Variants in TM4SF20 observed in about 807,000 individuals in gnomAD.
TM4SF20 encodes the protein transmembrane 4 L6 family member 20.
A neutral mutation model predicts 15.1 loss-of-function variants in TM4SF20; 13 were observed. That is an observed-to-expected ratio of 0.86 (90% CI 0.56 to 1.36). The LOEUF is 1.36. Among genes scored for constraint, TM4SF20 ranks in the 40% most tolerant of loss-of-function variants. The probability of loss-of-function intolerance (pLI) is 0.00; values close to 1 mark genes in which losing one functional copy is unlikely to be tolerated. For synonymous variants in TM4SF20, 92 were observed against 96.6 expected (o/e 0.95, Z 0.28); for missense variants, 282 against 268.4 (o/e 1.05, Z -0.35).
intron 2 of TM4SF20, among the ~76,000 whole-genome samples, chr2:227,367,117 AC>A (rs1386814601): frequency 2.0e-5 from 3 of 151,876 alleles, no homozygotes; most frequent in Non-Finnish European, 4.4e-5. Flanking sequence ...TAGCAACATC[AC>A]TCATCTCTAC....
At chr2:227,372,635 A>C (rs574817114) in intron 1 of TM4SF20, among the ~76,000 whole-genome samples, 1 of 151,016 alleles carries the variant, frequency 6.6e-6, no homozygotes, top group East Asian at 2.0e-4. Flanking sequence ...GCGAGACTCT[A>C]TCTCAAAAAA....
At chr2:227,366,000 A>G in intron 3 of TM4SF20, 93 bp downstream of exon 3, 1 of 1,328,378 alleles carries the variant, frequency 7.5e-7, no homozygotes, top group Non-Finnish European at 1.0e-6. Flanking sequence ...GTTGCATCAA[A>G]TAAAAACATG....
intron 1 of TM4SF20, among the ~76,000 whole-genome samples, chr2:227,372,796 C>A (rs2076427584): frequency 6.6e-6 from 1 of 152,168 alleles, no homozygotes; most frequent in Admixed American, 6.5e-5. Context: ...CCTCAACACC[C>A]AGGGCTCAAG....
chr2:227,365,552 A>G (rs2076388806), intron 3 of TM4SF20, among the ~76,000 whole-genome samples: 1 of 152,232 alleles, frequency 6.6e-6, no homozygotes, highest in African/African-American at 2.4e-5. Context: ...TATTTATAGC[A>G]TATCTGTATG....
intron 1 of TM4SF20, among the ~76,000 whole-genome samples, chr2:227,373,194 C>T (rs1466735436): frequency 2.6e-5 from 4 of 152,176 alleles, no homozygotes; most frequent in South Asian, 2.1e-4. Flanking sequence ...TCTTTTAGCA[C>T]GGGTTTAAAG....
At chr2:227,374,066 G>C (rs1337313454) in intron 1 of TM4SF20, among the ~76,000 whole-genome samples, 4 of 116,664 alleles carry the variant, frequency 3.4e-5, no homozygotes, top group South Asian at 2.9e-4. Flanking sequence ...CTCCAGCCTA[G>C]ATGACAAAGT....
intron 1 of TM4SF20, among the ~76,000 whole-genome samples, chr2:227,372,287 G>A (rs558777443): frequency 1.3e-5 from 2 of 152,188 alleles, no homozygotes; most frequent in South Asian, 4.2e-4. Context: ...AGAAAACTGA[G>A]GCATAGAAAG....
At chr2:227,375,953 G>T (rs2076448404) in intron 1 of TM4SF20, among the ~76,000 whole-genome samples, 1 of 152,144 alleles carries the variant, frequency 6.6e-6, no homozygotes, top group Non-Finnish European at 1.5e-5. Context: ...GAAACATTTT[G>T]AGATCTTTTT....
chr2:227,381,257 A>G (rs1178783646), upstream of TM4SF20, among the ~76,000 whole-genome samples: 2 of 152,116 alleles, frequency 1.3e-5, no homozygotes, highest in Non-Finnish European at 2.9e-5. Flanking sequence ...AGCCTGGGCA[A>G]GAGAGTGAGA....
chr2:227,373,864 G>A (rs2076433193), intron 1 of TM4SF20, among the ~76,000 whole-genome samples: 1 of 149,518 alleles, frequency 6.7e-6, no homozygotes, highest in South Asian at 2.1e-4. Flanking sequence ...GGGAGGCAGA[G>A]GTTGCAGTGA....
intron 3 of TM4SF20, among the ~76,000 whole-genome samples, chr2:227,364,320 AT>A (rs1484107664): frequency 6.6e-6 from 1 of 151,924 alleles, no homozygotes; most frequent in Non-Finnish European, 1.5e-5. Context: ...GGTTCAACCT[AT>A]TTATTTTATT....
chr2:227,377,386 A>G (rs1279246092), intron 1 of TM4SF20, among the ~76,000 whole-genome samples: 1 of 152,242 alleles, frequency 6.6e-6, no homozygotes, highest in Non-Finnish European at 1.5e-5. Flanking sequence ...TTGAGTTGCA[A>G]TGTGTTTTCT....
At chr2:227,375,691 G>A (rs569691680) in intron 1 of TM4SF20, among the ~76,000 whole-genome samples, 7 of 152,108 alleles carry the variant, frequency 4.6e-5, no homozygotes, top group South Asian at 4.2e-4. Context: ...GCGTTTCACC[G>A]TGTTAGCCAG....
chr2:227,366,348 A>T (rs1030691675), intron 2 of TM4SF20, 104 bp from the exon 3 acceptor site: 205 of 975,822 alleles, frequency 2.1e-4, no homozygotes, highest in Admixed American at 1.1e-4. Context: ...TCGCCCTAAA[A>T]TCCTGGATCT....
chr2:227,374,843 C>T (rs1159350588), intron 1 of TM4SF20, among the ~76,000 whole-genome samples: 1 of 151,356 alleles, frequency 6.6e-6, no homozygotes, highest in Non-Finnish European at 1.5e-5. Flanking sequence ...GTAATTCTGG[C>T]ACTTCGGGAG....
intron 1 of TM4SF20, among the ~76,000 whole-genome samples, chr2:227,377,944 T>G (rs566744303): frequency 6.6e-6 from 1 of 152,072 alleles, no homozygotes; most frequent in Admixed American, 6.5e-5. Context: ...CGTTTACCTA[T>G]GTAACAAACC....
chr2:227,370,856 C>T, intron 2 of TM4SF20, 59 bp downstream of exon 2: 1 of 1,457,632 alleles, frequency 6.9e-7, no homozygotes, highest in Non-Finnish European at 9.6e-7. Context: ...TGTGGCTTTG[C>T]TTAGGTAGCA....
upstream of TM4SF20, among the ~76,000 whole-genome samples, chr2:227,380,979 A>G (rs926471554): frequency 2.0e-5 from 3 of 152,206 alleles, no homozygotes; most frequent in African/African-American, 4.8e-5. Flanking sequence ...AGGATTAAAA[A>G]TAACCCACCT....
In TM4SF20 at chr2:227,363,746, T is replaced by G. The variant is rs137891000; in HGVS notation, c.668A>C (p.Lys223Thr). 9,941 of 1,613,826 alleles carry G rather than the reference T, an allele frequency of 6.2e-3. 114 individuals carry two copies. Among genetic ancestry groups the G allele is most frequent in the South Asian group, 0.028 (2,534 of 91,030 alleles). ...AAACTACACAATTTGACTTCTTCGC[T>G]TAGAGACTCCACACAGACAGCCAAG... ...GFLGCLCGVS[K>T]RRSQIV Residue 223 changes from lysine (K) to threonine (T), a missense_variant, in exon 4 of 4, where the codon AAG (lysine) becomes ACG (threonine). Physicochemically the swap from Lys to Thr is moderately conservative, Grantham distance 78. Transcript: ENST00000304568.
Sources: allele counts gnomAD v4.1 joint callset (sites outside exome capture counted in the v4.1 genomes callset), GRCh38; gene constraint gnomAD v4.1.1; transcripts MANE v1.5; gene names NCBI Gene and HGNC (gene_info 2026-07-23, HGNC 2026-07-21).